Variants in PVT1 observed in about 807,000 individuals in gnomAD.
PVT1 encodes CXCR4/PVT1 fusion.
intron 3 of PVT1, among the ~76,000 whole-genome samples, chr8:127,965,493 C>A (rs935705090): frequency 6.6e-6 from 1 of 152,202 alleles, no homozygotes; most frequent in Non-Finnish European, 1.5e-5. Flanking sequence ...TTACATCTGT[C>A]ACTGGGAATG....
chr8:127,918,091 G>A (rs781440674), intron 3 of PVT1, among the ~76,000 whole-genome samples: 18 of 152,220 alleles, frequency 1.2e-4, no homozygotes, highest in Non-Finnish European at 1.2e-4. Context: ...GCTCTGCAGC[G>A]CTGCCTTTCA....
At chr8:128,097,564 A>T (rs149989727) in intron 6 of PVT1, among the ~76,000 whole-genome samples, 2 of 152,302 alleles carry the variant, frequency 1.3e-5, no homozygotes, top group African/African-American at 4.8e-5. Flanking sequence ...TGCCAGTCGC[A>T]GGATTAGGCA....
rs74746173 is a variant in PVT1 at position 127,931,569 on chromosome 8, A to C, written n.782+40571A>C. On this transcript the variant is annotated intron_variant and non_coding_transcript_variant, in intron 3 of 10. Coordinates refer to ENST00000651587, the Ensembl canonical transcript of PVT1. ...TATCATTTTATAGACAAGGCAACTG[A>C]GGCACAGAGCAGCTCAGCAGCTTGC... 5.9e-3 allele frequency among the ~76,000 whole-genome samples: 901 copies of C among 152,352 alleles called. 7 individuals are homozygous for C. The highest frequency in any genetic ancestry group is 0.02 in the African/African-American group (852 of 41,586).
intron 2 of PVT1, among the ~76,000 whole-genome samples, chr8:127,841,164 A>G (rs1378047024): frequency 6.6e-6 from 1 of 152,268 alleles, no homozygotes; most frequent in African/African-American, 2.4e-5. Context: ...TGTGCCTGGC[A>G]CATAGTACCT....
At chr8:127,945,644 A>G (rs1306596480) in intron 3 of PVT1, among the ~76,000 whole-genome samples, 1 of 152,184 alleles carries the variant, frequency 6.6e-6, no homozygotes, top group Admixed American at 6.5e-5. Flanking sequence ...TCCATTGCTT[A>G]TCTGAAACGA....
intron 4 of PVT1, among the ~76,000 whole-genome samples, chr8:128,043,137 C>T (rs1390533759): frequency 1.3e-5 from 2 of 152,106 alleles, no homozygotes; most frequent in Non-Finnish European, 2.9e-5. Context: ...GGGGCCAGCC[C>T]TCCATTAGCA....
intron 2 of PVT1, among the ~76,000 whole-genome samples, chr8:127,867,871 C>T (rs928070419): frequency 3.9e-5 from 6 of 152,142 alleles, no homozygotes; most frequent in African/African-American, 7.2e-5. Context: ...GTTGCTGCCT[C>T]CTGCTGAATC....
At chr8:127,834,000 G>A (rs1362545630) in intron 2 of PVT1, among the ~76,000 whole-genome samples, 2 of 152,108 alleles carry the variant, frequency 1.3e-5, no homozygotes, top group African/African-American at 2.4e-5. Context: ...TGACGACCTT[G>A]TATCTCACTT....
intron 4 of PVT1, among the ~76,000 whole-genome samples, chr8:128,041,609 T>G (rs1416788468): frequency 1.1e-5 from 1 of 91,780 alleles, no homozygotes; most frequent in Non-Finnish European, 2.3e-5. Context: ...TACATGTGTT[T>G]GGTGTGTGTG....
chr8:127,880,331 C>T (rs1015331714), intron 2 of PVT1, among the ~76,000 whole-genome samples: 2 of 152,182 alleles, frequency 1.3e-5, no homozygotes, highest in African/African-American at 2.4e-5. Flanking sequence ...TGCTCTGTCC[C>T]CCAGGCTGGA....
intron 3 of PVT1, among the ~76,000 whole-genome samples, chr8:127,924,895 A>T (rs1816110692): frequency 1.3e-5 from 2 of 151,920 alleles, no homozygotes; most frequent in Non-Finnish European, 2.9e-5. Context: ...CGATCCACCC[A>T]CCTCGGCCTC....
intron 5 of PVT1, among the ~76,000 whole-genome samples, chr8:128,087,584 T>G (rs1463285986): frequency 1.3e-5 from 2 of 152,050 alleles, no homozygotes; most frequent in Non-Finnish European, 2.9e-5. Context: ...TCAAGCAAAC[T>G]CTTAAGCATA....
At chr8:127,810,499 G>T (rs1380252719) in intron 2 of PVT1, among the ~76,000 whole-genome samples, 1 of 152,218 alleles carries the variant, frequency 6.6e-6, no homozygotes. Flanking sequence ...CGAGGAATCT[G>T]GCCCTCACTG....
chr8:127,823,273 A>G (rs1814753161), intron 2 of PVT1, among the ~76,000 whole-genome samples: 2 of 152,212 alleles, frequency 1.3e-5, no homozygotes, highest in African/African-American at 2.4e-5. Context: ...CTGCCAGCCC[A>G]TCCCACTGAC....
intron 2 of PVT1, among the ~76,000 whole-genome samples, chr8:127,842,024 A>T (rs1164178656): frequency 6.6e-6 from 1 of 151,626 alleles, no homozygotes; most frequent in Non-Finnish European, 1.5e-5. Flanking sequence ...GCGCCTGGCT[A>T]AAGTTGTTAT....
At chr8:128,066,683 A>C (rs1813914887) in intron 4 of PVT1, among the ~76,000 whole-genome samples, 1 of 152,182 alleles carries the variant, frequency 6.6e-6, no homozygotes, top group African/African-American at 2.4e-5. Context: ...CCACGCCTGT[A>C]GGTGGGAGGT....
chr8:127,976,821 A>C (rs1205114996), intron 3 of PVT1, among the ~76,000 whole-genome samples: 1 of 152,198 alleles, frequency 6.6e-6, no homozygotes, highest in East Asian at 1.9e-4. Context: ...GTAGCTCAGC[A>C]GCAAGGCCTG....
chr8:128,032,140 G>T (rs1222941877), intron 4 of PVT1, among the ~76,000 whole-genome samples: 2 of 152,314 alleles, frequency 1.3e-5, no homozygotes, highest in East Asian at 3.9e-4. Flanking sequence ...AGGAAACCGG[G>T]CCTTAAGAGA....
intron 4 of PVT1, among the ~76,000 whole-genome samples, chr8:128,040,273 G>A (rs1021898920): frequency 2.6e-5 from 4 of 152,238 alleles, no homozygotes; most frequent in African/African-American, 9.6e-5. Flanking sequence ...TCATCCAATA[G>A]TTGAAGGCTT....
Sources: gnomAD v4.1 joint callset for allele counts (sites outside exome capture counted in the v4.1 genomes callset) on GRCh38, gnomAD v4.1.1 for gene constraint, MANE v1.5 for transcripts, NCBI Gene and HGNC (gene_info 2026-07-23, HGNC 2026-07-21) for gene names.